The following BMP8A variants were observed in gnomAD, a reference collection of about 807,000 sequenced individuals.
The protein encoded by BMP8A is BMP-8A.
BMP8A carries 14 observed loss-of-function variants against 36.8 expected under a neutral mutation model. That is an observed-to-expected ratio of 0.38 (90% CI 0.25 to 0.60). The LOEUF is 0.60. Among genes scored for constraint, BMP8A ranks in the 20% least tolerant of loss-of-function variants. The pLI is 0.63. For synonymous variants in BMP8A, 120 were observed against 237.7 expected, an observed-to-expected ratio of 0.50 and a Z score of 4.55; for missense variants, 267 against 551.1, an observed-to-expected ratio of 0.48 and a Z score of 5.16.
intron 1 of BMP8A, among the ~76,000 whole-genome samples, chr1:39,496,708 G>A (rs571733749): frequency 6.6e-6 from 1 of 152,182 alleles, no homozygotes; most frequent in South Asian, 2.1e-4. Context: ...CACACAGCAG[G>A]TTGTCCCCCT....
intron 1 of BMP8A, among the ~76,000 whole-genome samples, chr1:39,500,409 G>A (rs777411031): frequency 6.6e-6 from 1 of 152,176 alleles, no homozygotes; most frequent in Non-Finnish European, 1.5e-5. Flanking sequence ...CAGCTAAGGG[G>A]CAGAGGCCAG....
Position 39,527,592 on chromosome 1 carries a change from C to T in BMP8A, c.*1794C>T, listed in dbSNP as rs1160849872. The stretch of plus-strand genomic sequence containing the variant: ...GGGACAGCAGCCCCTCCACCTGGAC[C>T]AGGGAGGGCCTCCATGTGCAAGCGC... On this transcript the variant is annotated 3_prime_UTR_variant, in exon 7 of 7. Coordinates refer to ENST00000331593, the MANE Select transcript of BMP8A (RefSeq NM_181809.4). 1.3e-5 allele frequency among the ~76,000 whole-genome samples: 2 copies of T among 152,208 alleles called. No homozygotes were observed. Among genetic ancestry groups the T allele is most frequent in the Non-Finnish European group, 2.9e-5 (2 of 68,024 alleles).
intron 1 of BMP8A, among the ~76,000 whole-genome samples, chr1:39,503,336 A>G (rs912536732): frequency 4.6e-5 from 7 of 151,786 alleles, no homozygotes; most frequent in Admixed American, 1.3e-4. Flanking sequence ...CTAGGTGACC[A>G]AGTGAGACCC....
At chr1:39,501,389 CGG>C (rs1431646555) in intron 1 of BMP8A, among the ~76,000 whole-genome samples, 1 of 152,114 alleles carries the variant, frequency 6.6e-6, no homozygotes, top group East Asian at 1.9e-4. Context: ...TTTTTTGAGA[CGG>C]AGTCTCACCC....
rs911259674 is a variant in BMP8A at position 39,522,426 on chromosome 1, C to T, written c.892C>T (p.Arg298Trp). 2.0e-5 allele frequency: 33 copies of T among 1,610,472 alleles called. No individual in the cohort carries two copies. The Middle Eastern group carries it at 5.0e-4, about 24-fold the overall frequency. ...IFDDVRGSHG[R>W]QVCRRHELYV... is the part of the protein sequence containing the mutation. ...AGATGACGTCCGCGGCTCCCACGGC[C>T]GGCAGGTCTGCCGTCGGCACGAGCT... Residue 298 changes from arginine to tryptophan, a missense_variant, in exon 5 of 7, where the codon CGG becomes TGG. Coordinates refer to ENST00000331593, the MANE Select transcript of BMP8A (RefSeq NM_181809.4).
chr1:39,515,674 T>A, intron 3 of BMP8A: 1 of 1,574,952 alleles, frequency 6.3e-7, no homozygotes, highest in Non-Finnish European at 8.7e-7. Context: ...GCTGCAGACG[T>A]CACGGCGGTG....
intron 1 of BMP8A, among the ~76,000 whole-genome samples, chr1:39,504,560 A>G (rs1645282912): frequency 6.6e-6 from 1 of 152,130 alleles, no homozygotes; most frequent in Non-Finnish European, 1.5e-5. Context: ...GAGACTCTTA[A>G]TCTCAGGGTC....
At position 39,528,498 on chromosome 1, in the gene BMP8A, A is replaced by G. The variant is rs1294228442; in HGVS notation, c.*2700A>G. Among the ~76,000 whole-genome samples the G allele has an allele frequency of 2.0e-5, 3 of 152,132 alleles. No individual in the cohort carries two copies. Among genetic ancestry groups the G allele is most frequent in the Non-Finnish European group, 4.4e-5 (3 of 68,022 alleles). On this transcript the variant is annotated 3_prime_UTR_variant, in exon 7 of 7. Transcript: ENST00000331593. ...GCCATTTGGTGCAGAACAACCCCCA[A>G]CCCAGTGGCCATCTTCACAACTGCA... is the stretch of plus-strand genomic sequence containing the variant.
chr1:39,506,062 C>T (rs1362070000), intron 1 of BMP8A, among the ~76,000 whole-genome samples: 4 of 151,378 alleles, frequency 2.6e-5, no homozygotes, highest in East Asian at 1.9e-4. Context: ...GGAGGGGCCC[C>T]GGGGAAATGA....
Position 39,528,594 on chromosome 1 carries a change from C to T in BMP8A, c.*2796C>T, listed in dbSNP as rs1008771728. 2.0e-5 allele frequency among the ~76,000 whole-genome samples: 3 copies of T among 151,836 alleles called. No individual in the cohort carries two copies. Among genetic ancestry groups the T allele is most frequent in the South Asian group, 2.1e-4 (1 of 4,808 alleles). ...TCTTTGTCTTTACATAGGGACCGGGCGATGCGCTTTAGAGAAATTCCCTAT... is the reference window on the plus strand; with the variant it reads ...TCTTTGTCTTTACATAGGGACCGGGTGATGCGCTTTAGAGAAATTCCCTAT... On this transcript the variant is annotated 3_prime_UTR_variant, in exon 7 of 7. Coordinates refer to ENST00000331593, the MANE Select transcript of BMP8A (RefSeq NM_181809.4).
chr1:39,495,305 G>A (rs1645196110), intron 1 of BMP8A, among the ~76,000 whole-genome samples: 1 of 152,208 alleles, frequency 6.6e-6, no homozygotes, highest in Non-Finnish European at 1.5e-5. Flanking sequence ...ATGGGTTCAG[G>A]CCTCCGTGCA....
chr1:39,524,392 GT>G lies in BMP8A; in HGVS notation c.1060-1255del, dbSNP rs1645461393. Among the ~76,000 whole-genome samples, 1 of 152,222 alleles carries G rather than the reference GT, an allele frequency of 6.6e-6. No individual in the cohort carries two copies. ...GGCACAGAAGCAAACCAACCGTGGA[GT>G]TGACACCTCCTGTGAGGAAGAGCAG... On this transcript the variant is annotated intron_variant, in intron 6 of 6. Transcript: ENST00000331593. This position sits in a 1 kb window ranked among gnomAD's most constrained non-coding sequence, Gnocchi z 4.0.
rs961698542 is a variant in BMP8A at position 39,491,777 on chromosome 1, T to C, written c.-215T>C. 1.3e-4 allele frequency: 28 copies of C among 218,210 alleles called. No homozygotes were observed. The highest frequency in any genetic ancestry group is 1.9e-4 in the Non-Finnish European group (24 of 123,348). The allele number at this position is 218,210 out of a possible 1,614,324, so 13.5% of individuals were successfully genotyped here. On this transcript the variant is annotated 5_prime_UTR_variant, in exon 1 of 7. Transcript: ENST00000331593. ...TCAGAACAGCCCCGGCCTCGAAGCG[T>C]TGGCGTCTGCGTCCGCGTCAGCGTC...
At chr1:39,499,678 G>A (rs1184818406) in intron 1 of BMP8A, among the ~76,000 whole-genome samples, 1 of 152,210 alleles carries the variant, frequency 6.6e-6, no homozygotes, top group South Asian at 2.1e-4. Context: ...TGCCTTATCC[G>A]AGGCTGGAGG....
chr1:39,525,990 A>T lies in BMP8A; in HGVS notation c.*192A>T, dbSNP rs1445505435. On this transcript the variant is annotated 3_prime_UTR_variant, in exon 7 of 7. Transcript: ENST00000331593. The stretch of plus-strand genomic sequence containing the variant: ...CCCTCCCCTGGGGTTTGTGGCTGTC[A>T]CTCTGCCCGACACTTTGGTGGCCTA... 2 of 957,814 alleles carry T rather than the reference A, an allele frequency of 2.1e-6. No individual in the cohort carries two copies. The highest frequency in any genetic ancestry group is 3.0e-6 in the Non-Finnish European group (2 of 662,598). 59.3% of individuals were successfully genotyped at this position (957,814 alleles called of 1,614,324 possible). A position where few individuals can be genotyped will look rare whatever the true frequency, so the allele number is the denominator to read the frequency against.
At chr1:39,492,387 A>G in intron 1 of BMP8A, 62 bp downstream of exon 1, 1 of 1,425,320 alleles carries the variant, frequency 7.0e-7, no homozygotes, top group Non-Finnish European at 9.1e-7. Flanking sequence ...AGGGGCGCGC[A>G]TCCGCGGGCG....
intron 1 of BMP8A, among the ~76,000 whole-genome samples, chr1:39,503,975 C>CA (rs200547523): frequency 0.015 from 2,337 of 152,330 alleles, 54 homozygotes; most frequent in African/African-American, 0.053. Context: ...GTATTTTCCT[C>CA]ACGATATTTA....
chr1:39,492,310 A>G lies in BMP8A; in HGVS notation c.319A>G (p.Ser107Gly). ...QRLGRADLVM[S>G]FVNMVERDRA... The stretch of plus-strand genomic sequence containing the variant: ...CCTGGGCCGCGCCGACCTGGTCATG[A>G]GCTTCGTCAACATGGGTGAGTGCGG... Residue 107 changes from serine (S) to glycine (G), a missense_variant, in exon 1 of 7, where the codon AGC becomes GGC. Transcript: ENST00000331593. 1 of 1,561,448 alleles carries G rather than the reference A, an allele frequency of 6.4e-7. No homozygotes were observed.
At chr1:39,505,177 CTG>C (rs1645290870) in intron 1 of BMP8A, among the ~76,000 whole-genome samples, 2 of 152,288 alleles carry the variant, frequency 1.3e-5, no homozygotes, top group East Asian at 3.9e-4. Context: ...AGGTGTCAGA[CTG>C]GGGTTGGTCA....
Sources: allele counts gnomAD v4.1 joint callset (sites outside exome capture counted in the v4.1 genomes callset), GRCh38; gene constraint gnomAD v4.1.1; non-coding constraint Gnocchi (gnomAD v3.1); transcripts MANE v1.5; gene names NCBI Gene and HGNC (gene_info 2026-07-23, HGNC 2026-07-21).